Variants in STAG1 observed in about 807,000 individuals in gnomAD.
The protein encoded by STAG1 is STAG1 cohesin complex component.
Under a neutral mutation model 170.9 loss-of-function variants are expected in STAG1, and 26 were observed. That is an observed-to-expected ratio of 0.15 (90% CI 0.11 to 0.21). STAG1 has a LOEUF of 0.21. Among genes scored for constraint, STAG1 ranks in the 10% least tolerant of loss-of-function variants. The pLI is 1.00. For synonymous variants in STAG1, 514 were observed against 497.7 expected, an observed-to-expected ratio of 1.03 and a Z score of -0.44; for missense variants, 964 against 1,509.5, an observed-to-expected ratio of 0.64 and a Z score of 5.99.
At chr3:136,698,507 T>C (rs1034202289) in intron 1 of STAG1, among the ~76,000 whole-genome samples, 1 of 152,070 alleles carries the variant, frequency 6.6e-6, no homozygotes, top group African/African-American at 2.4e-5. Context: ...CAGAGGAGCA[T>C]GGATGTGGTA....
chr3:136,485,674 C>G (rs560768877), intron 9 of STAG1, among the ~76,000 whole-genome samples: 25 of 152,284 alleles, frequency 1.6e-4, no homozygotes, highest in African/African-American at 5.8e-4. Context: ...TGATACATCT[C>G]CCTTCCCAAG....
chr3:136,528,496 C>CG (rs1553740662), intron 6 of STAG1, among the ~76,000 whole-genome samples: 1,608 of 55,400 alleles, frequency 0.029, 68 homozygotes, highest in East Asian at 0.19. Flanking sequence ...GTCCCCGCAC[C>CG]CCCCCCCCCA....
intron 4 of STAG1, 69 bp downstream of exon 4, chr3:136,604,240 A>C (rs1217533312): frequency 2.1e-6 from 3 of 1,415,362 alleles, no homozygotes; most frequent in East Asian, 4.8e-5. Flanking sequence ...GCCAATATAC[A>C]CACTAACTGA....
At chr3:136,606,810 G>T (rs577872688) in intron 3 of STAG1, among the ~76,000 whole-genome samples, 48 of 149,080 alleles carry the variant, frequency 3.2e-4, no homozygotes, top group African/African-American at 1.2e-3. Flanking sequence ...GTGCAATGGC[G>T]TGATCTCAGC....
At chr3:136,396,223 T>G (rs1196025232) in intron 22 of STAG1, among the ~76,000 whole-genome samples, 1 of 145,478 alleles carries the variant, frequency 6.9e-6, no homozygotes, top group African/African-American at 2.5e-5. Context: ...TTTTTTTTTT[T>G]TTTTTTTTTT....
Position 136,416,133 on chromosome 3 carries a change from G to A in STAG1, c.2196+1752C>T, listed in dbSNP as rs530972654. ...AGTGATTCTCCTGCCTCAGCCTCCC[G>A]AGTAGCTGGGACTACAGGTGCCCGC... On this transcript the variant is annotated intron_variant, in intron 21 of 33. Coordinates refer to ENST00000383202, the MANE Select transcript of STAG1 (RefSeq NM_005862.3). 5.9e-5 allele frequency among the ~76,000 whole-genome samples: 9 copies of A among 151,558 alleles called. 1 individual carries two copies. The highest frequency in any genetic ancestry group is 2.1e-4 in the South Asian group (1 of 4,778).
chr3:136,700,867 ATTTTTTTTCTTTTTT>A (rs1943035019), intron 1 of STAG1, among the ~76,000 whole-genome samples: 1 of 114,866 alleles, frequency 8.7e-6, no homozygotes, highest in African/African-American at 3.3e-5. Flanking sequence ...TGTGTGCTCT[ATTTTTTTTCTTTTTT>A]TTTTTTTTTT....
In STAG1 at chr3:136,518,240, T is replaced by C. The variant is rs554338338; in HGVS notation, c.676+2973A>G. On this transcript the variant is annotated intron_variant, in intron 7 of 33. Coordinates refer to ENST00000383202, the MANE Select transcript of STAG1 (RefSeq NM_005862.3). ...CTCATCACATCTGTACCCTACAAAATAACTAACCTGATTGTCTCTCTTCTC... is the reference window on the plus strand; with the variant it reads ...CTCATCACATCTGTACCCTACAAAACAACTAACCTGATTGTCTCTCTTCTC... 6.9e-6 allele frequency: 4 copies of C among 579,174 alleles called. No individual in the cohort carries two copies. The African/African-American group carries it at 7.5e-5, about 11-fold the overall frequency. 35.9% of individuals were successfully genotyped at this position (579,174 alleles called of 1,614,324 possible). A position where few individuals can be genotyped will look rare whatever the true frequency, so the allele number is the denominator to read the frequency against.
At chr3:136,713,827 G>A (rs1047214036) in intron 1 of STAG1, among the ~76,000 whole-genome samples, 3 of 151,876 alleles carry the variant, frequency 2.0e-5, no homozygotes, top group Non-Finnish European at 4.4e-5. Context: ...ATTTAAGACC[G>A]CCCTAGCCAA....
intron 1 of STAG1, among the ~76,000 whole-genome samples, chr3:136,637,102 T>A (rs1388704055): frequency 6.6e-6 from 1 of 152,178 alleles, no homozygotes; most frequent in Non-Finnish European, 1.5e-5. Flanking sequence ...CTCATCAACA[T>A]TATAACAAAA....
At chr3:136,433,762 C>T (rs531842842) in intron 15 of STAG1, 103 bp from the exon 16 acceptor site, 3 of 782,002 alleles carry the variant, frequency 3.8e-6, no homozygotes, top group African/African-American at 1.8e-5. Flanking sequence ...TCTATTACTG[C>T]TTATTTTAAA....
At chr3:136,564,389 GAAC>G (rs1220846713) in intron 5 of STAG1, among the ~76,000 whole-genome samples, 1 of 152,168 alleles carries the variant, frequency 6.6e-6, no homozygotes, top group Non-Finnish European at 1.5e-5. Flanking sequence ...GCCACAGCCT[GAAC>G]AACAGAATGT....
intron 13 of STAG1, among the ~76,000 whole-genome samples, chr3:136,464,501 G>T (rs143880134): frequency 9.5e-4 from 145 of 152,146 alleles, no homozygotes; most frequent in African/African-American, 3.2e-3. Context: ...GCATTTTAAA[G>T]GTGATACTGC....
chr3:136,619,254 T>C (rs1251472372), intron 3 of STAG1, among the ~76,000 whole-genome samples: 3 of 150,350 alleles, frequency 2.0e-5, no homozygotes, highest in Non-Finnish European at 3.0e-5. Context: ...TAAAACACCA[T>C]TCACTCATTA....
At chr3:136,655,325 T>C (rs1045919220) in intron 1 of STAG1, among the ~76,000 whole-genome samples, 3 of 152,190 alleles carry the variant, frequency 2.0e-5, no homozygotes, top group African/African-American at 7.2e-5. Flanking sequence ...GGCAAAGAGA[T>C]TGAATAGACA....
chr3:136,529,253 G>A (rs764999489), intron 6 of STAG1, among the ~76,000 whole-genome samples: 1 of 152,086 alleles, frequency 6.6e-6, no homozygotes, highest in Non-Finnish European at 1.5e-5. Context: ...AATAATAGAT[G>A]GAAACTTCCC....
chr3:136,384,494 C>A (rs1413244654), intron 22 of STAG1, among the ~76,000 whole-genome samples: 1 of 142,278 alleles, frequency 7.0e-6, no homozygotes, highest in African/African-American at 2.6e-5. Flanking sequence ...TGAGGCCAGT[C>A]GTGGTGGCTC....
intron 4 of STAG1, among the ~76,000 whole-genome samples, chr3:136,597,473 C>G (rs1402362541): frequency 6.6e-6 from 1 of 152,136 alleles, no homozygotes; most frequent in Non-Finnish European, 1.5e-5. Context: ...ATGGTCAGGT[C>G]TTTTTAATTA....
intron 1 of STAG1, among the ~76,000 whole-genome samples, chr3:136,649,275 T>A (rs1236545214): frequency 6.6e-6 from 1 of 151,740 alleles, no homozygotes; most frequent in Non-Finnish European, 1.5e-5. Context: ...GGTCAGAAGC[T>A]CAAGACCAGC....
Sources: allele counts gnomAD v4.1 joint callset (sites outside exome capture counted in the v4.1 genomes callset), GRCh38; gene constraint gnomAD v4.1.1; transcripts MANE v1.5; gene names NCBI Gene and HGNC (gene_info 2026-07-23, HGNC 2026-07-21).